The following GALNT13 variants were observed in gnomAD, a reference collection of about 807,000 sequenced individuals.
The protein encoded by GALNT13 is polypeptide N-acetylgalactosaminyltransferase 13.
GALNT13 carries 28 observed loss-of-function variants against 64.2 expected under a neutral mutation model. That is an observed-to-expected ratio of 0.44 (90% CI 0.32 to 0.60). The LOEUF is 0.60. GALNT13 is among the 20% of genes least tolerant of loss of function. The pLI is 0.05. For synonymous variants in GALNT13, 214 were observed against 224.6 expected, an observed-to-expected ratio of 0.95 and a Z score of 0.42; for missense variants, 577 against 669.8, an observed-to-expected ratio of 0.86 and a Z score of 1.53.
chr2:154,092,691 T>G (rs1022744315), intron 3 of GALNT13, among the ~76,000 whole-genome samples: 1 of 152,060 alleles, frequency 6.6e-6, no homozygotes, highest in Non-Finnish European at 1.5e-5. Context: ...AAGAGAAATT[T>G]ACATTTACAG....
chr2:154,351,790 T>C (rs1696426180), intron 9 of GALNT13, among the ~76,000 whole-genome samples: 1 of 148,210 alleles, frequency 6.7e-6, no homozygotes, highest in Non-Finnish European at 1.5e-5. Flanking sequence ...ACCATATCGA[T>C]CTATGTATCT....
At chr2:153,423,823 AAT>A in the GALNT13 span, among the ~76,000 whole-genome samples, 1 of 151,588 alleles carries the variant, frequency 6.6e-6, no homozygotes, top group African/African-American at 2.4e-5. Context: ...TACTATAACA[AAT>A]ATATGAGTTC....
chr2:154,266,744 A>G (rs186863443), intron 8 of GALNT13, among the ~76,000 whole-genome samples: 34 of 151,974 alleles, frequency 2.2e-4, no homozygotes, highest in Admixed American at 1.5e-3. Flanking sequence ...TTGCATATCA[A>G]TATAGATTCA....
rs181832072 is a variant in GALNT13 at position 154,027,958 on chromosome 2, C to T, written c.142+83319C>T. ...TTAAATAAAGTGAATATTATATACT[C>T]GCTTTTTTGGTAAATATTGCCTAAG... On this transcript the variant is annotated intron_variant, in intron 3 of 12. Transcript: ENST00000392825. Among the ~76,000 whole-genome samples the T allele has an allele frequency of 2.6e-4, 40 of 152,178 alleles. No homozygotes were observed. The East Asian group carries it at 4.3e-3, about 16-fold the overall frequency.
At chr2:153,104,074 C>T in the GALNT13 span, among the ~76,000 whole-genome samples, 1 of 152,130 alleles carries the variant, frequency 6.6e-6, no homozygotes, top group African/African-American at 2.4e-5. Flanking sequence ...TCAATGCCTT[C>T]ACAACTTTAC....
chr2:154,239,811 T>G (rs758037396), intron 4 of GALNT13, among the ~76,000 whole-genome samples: 2 of 152,210 alleles, frequency 1.3e-5, no homozygotes, highest in Non-Finnish European at 2.9e-5. Flanking sequence ...TGCAGAAGAC[T>G]TTATTGGGTA....
the GALNT13 span, among the ~76,000 whole-genome samples, chr2:153,276,579 T>C: frequency 6.6e-6 from 1 of 152,122 alleles, no homozygotes; most frequent in Non-Finnish European, 1.5e-5. Context: ...AACACAATAT[T>C]TTATCATGTT....
At chr2:153,490,625 A>T in the GALNT13 span, among the ~76,000 whole-genome samples, 1 of 152,202 alleles carries the variant, frequency 6.6e-6, no homozygotes, top group Non-Finnish European at 1.5e-5. Context: ...ACCTTCAAGG[A>T]CAATACCAAA....
intron 11 of GALNT13, chr2:154,435,780 T>A (rs927375796): frequency 6.6e-6 from 1 of 152,194 alleles, no homozygotes; most frequent in Non-Finnish European, 1.5e-5. Flanking sequence ...ATTTTGTCTG[T>A]GTGCTAGAAT....
intron 3 of GALNT13, among the ~76,000 whole-genome samples, chr2:154,107,601 A>AAAAG (rs1221191139): frequency 6.6e-6 from 1 of 151,772 alleles, no homozygotes. Context: ...AAAAAAAAAA[A>AAAAG]AAAGAAAGAA....
chr2:153,266,153 C>T, the GALNT13 span, among the ~76,000 whole-genome samples: 8 of 152,176 alleles, frequency 5.3e-5, no homozygotes, highest in South Asian at 1.7e-3. Context: ...ACCAAGCCCA[C>T]AATATTTCCA....
intron 9 of GALNT13, among the ~76,000 whole-genome samples, chr2:154,392,406 A>C (rs1259500985): frequency 1.3e-5 from 2 of 152,150 alleles, no homozygotes; most frequent in Non-Finnish European, 2.9e-5. Context: ...ATGACAGGTG[A>C]GGGGGTCTGG....
At chr2:154,305,611 C>CA (rs1172806340) in intron 9 of GALNT13, among the ~76,000 whole-genome samples, 1 of 152,168 alleles carries the variant, frequency 6.6e-6, no homozygotes, top group Non-Finnish European at 1.5e-5. Flanking sequence ...GGCAGTTTCT[C>CA]AAACTTCAGT....
the GALNT13 span, among the ~76,000 whole-genome samples, chr2:153,374,098 C>G: frequency 1.3e-5 from 2 of 152,184 alleles, no homozygotes; most frequent in Non-Finnish European, 1.5e-5. Flanking sequence ...TTGTTCAAGA[C>G]TGTGCTGTCA....
chr2:153,298,799 A>G, the GALNT13 span, among the ~76,000 whole-genome samples: 2 of 152,194 alleles, frequency 1.3e-5, no homozygotes, highest in Non-Finnish European at 2.9e-5. Flanking sequence ...TAGCACTTGC[A>G]AGAGAGAGAT....
At chr2:153,727,721 CT>C in the GALNT13 span, among the ~76,000 whole-genome samples, 5 of 145,640 alleles carry the variant, frequency 3.4e-5, no homozygotes, top group East Asian at 2.0e-4. Context: ...AAGTCAAGCA[CT>C]TTTTTTCTTT....
intron 9 of GALNT13, among the ~76,000 whole-genome samples, chr2:154,380,882 T>C (rs982295611): frequency 1.3e-5 from 2 of 151,984 alleles, no homozygotes; most frequent in Non-Finnish European, 2.9e-5. Flanking sequence ...TCCTTGGAGA[T>C]TGTCAGGCTG....
the GALNT13 span, among the ~76,000 whole-genome samples, chr2:153,800,047 T>A: frequency 4.4e-5 from 1 of 22,826 alleles, no homozygotes; most frequent in Admixed American, 6.7e-4. Context: ...TTTAGTTTGC[T>A]CTCTCTCTCT....
intron 3 of GALNT13, among the ~76,000 whole-genome samples, 199 bp from the exon 4 acceptor site, chr2:154,140,138 A>C (rs1683174398): frequency 6.6e-6 from 1 of 152,190 alleles, no homozygotes. Flanking sequence ...AATTTATCTA[A>C]ACTTGGAAGA....
Sources: allele counts gnomAD v4.1 joint callset (sites outside exome capture counted in the v4.1 genomes callset), GRCh38; gene constraint gnomAD v4.1.1; transcripts MANE v1.5; gene names NCBI Gene and HGNC (gene_info 2026-07-23, HGNC 2026-07-21).